Variants in RCL1 observed in about 807,000 individuals in gnomAD.
RCL1 encodes the protein RNA 3'-terminal phosphate cyclase-like protein.
In RCL1, 24 loss-of-function variants were observed where a neutral mutation model predicts 42.4. That is an observed-to-expected ratio of 0.57 (90% confidence interval 0.41 to 0.80). The LOEUF (loss-of-function observed/expected upper bound fraction) is 0.80, where lower values mean the gene tolerates loss of function less well. Ranked by LOEUF, RCL1 falls within the 30% of genes least tolerant of loss-of-function variation. RCL1 has a pLI of 0.00. For missense variants in RCL1, 578 were observed against 467.9 expected, an observed-to-expected ratio of 1.24 and a Z score of -2.17; for synonymous variants, 228 against 177.3, an observed-to-expected ratio of 1.29 and a Z score of -2.27.
chr9:4,803,611 G>C (rs1843042676), intron 1 of RCL1, among the ~76,000 whole-genome samples: 1 of 151,914 alleles, frequency 6.6e-6, no homozygotes, highest in Non-Finnish European at 1.5e-5. Context: ...TTATCTTTTG[G>C]ATTCCTAATT....
rs142919184 is a variant in RCL1, at chr9:4,798,797, C to A, written c.136+5570C>A. On this transcript the variant is annotated intron_variant, in intron 1 of 8. Transcript: ENST00000381750. Reference sequence around the variant, plus strand: ...TGTAGATTGAATATGTCCTGTTAATCAGGAACATACCCTTTTGTGCCTCTG... The same window carrying A: ...TGTAGATTGAATATGTCCTGTTAATAAGGAACATACCCTTTTGTGCCTCTG... 9.7e-4 allele frequency among the ~76,000 whole-genome samples: 148 copies of A among 151,958 alleles called. 2 individuals carry two copies. Among genetic ancestry groups the A allele is most frequent in the African/African-American group, 3.4e-3 (139 of 41,442 alleles).
At chr9:4,806,673 G>A (rs975528153) in intron 1 of RCL1, among the ~76,000 whole-genome samples, 3 of 149,428 alleles carry the variant, frequency 2.0e-5, no homozygotes, top group Non-Finnish European at 3.0e-5. Context: ...ATTTGCTAAT[G>A]TTTTGTTAAG....
chr9:4,855,638 G>T (rs1043560686), intron 8 of RCL1, among the ~76,000 whole-genome samples: 2 of 151,758 alleles, frequency 1.3e-5, no homozygotes, highest in African/African-American at 2.4e-5. Flanking sequence ...ATTGTCTGTG[G>T]TTTTTTTTCA....
chr9:4,856,564 A>T (rs781581169), intron 8 of RCL1, among the ~76,000 whole-genome samples: 9 of 152,138 alleles, frequency 5.9e-5, no homozygotes, highest in Non-Finnish European at 1.3e-4. Flanking sequence ...AAATAATTTA[A>T]TGATGGGGAA....
At chr9:4,849,939 A>G (rs865879800) in intron 8 of RCL1, among the ~76,000 whole-genome samples, 1 of 152,012 alleles carries the variant, frequency 6.6e-6, no homozygotes. Flanking sequence ...GTCTAAGATG[A>G]TAGGATATGA....
intron 8 of RCL1, among the ~76,000 whole-genome samples, chr9:4,857,577 G>T (rs1009862636): frequency 6.6e-6 from 1 of 152,044 alleles, no homozygotes; most frequent in African/African-American, 2.4e-5. Context: ...GAATATTTGC[G>T]TGCAAGTTTT....
chr9:4,811,239 A>T (rs1391520770), intron 1 of RCL1, among the ~76,000 whole-genome samples: 2 of 151,356 alleles, frequency 1.3e-5, no homozygotes, highest in Non-Finnish European at 2.9e-5. Context: ...TCATGATCAC[A>T]CCACTGCACT....
At chr9:4,839,983 G>A in intron 5 of RCL1, 7 of 786,488 alleles carry the variant, frequency 8.9e-6, no homozygotes, top group Non-Finnish European at 9.2e-6. Context: ...GTTTGGATGG[G>A]TGGAAGGAGT....
chr9:4,859,680 G>T (rs1175743791), intron 8 of RCL1, among the ~76,000 whole-genome samples: 1 of 152,122 alleles, frequency 6.6e-6, no homozygotes, highest in Non-Finnish European at 1.5e-5. Flanking sequence ...AAAAATCATT[G>T]CCTAAGCCAG....
intron 8 of RCL1, among the ~76,000 whole-genome samples, chr9:4,852,139 C>G (rs1188391522): frequency 6.6e-6 from 1 of 152,132 alleles, no homozygotes; most frequent in East Asian, 1.9e-4. Flanking sequence ...CCTTGGCCTC[C>G]CAAAGTGCTG....
At chr9:4,858,126 T>A (rs1488499927) in intron 8 of RCL1, among the ~76,000 whole-genome samples, 2 of 152,112 alleles carry the variant, frequency 1.3e-5, no homozygotes, top group Non-Finnish European at 2.9e-5. Context: ...TTTGCCTGCC[T>A]TGGCCTCCCA....
At chr9:4,806,611 C>T (rs1458791147) in intron 1 of RCL1, among the ~76,000 whole-genome samples, 4 of 150,576 alleles carry the variant, frequency 2.7e-5, no homozygotes, top group Non-Finnish European at 5.9e-5. Flanking sequence ...CACACACACA[C>T]ACACACACAC....
intron 1 of RCL1, among the ~76,000 whole-genome samples, chr9:4,815,880 T>C (rs185703938): frequency 5.9e-5 from 9 of 152,206 alleles, no homozygotes; most frequent in African/African-American, 2.2e-4. Context: ...ATCCTCTTCC[T>C]TACCTCCTTG....
rs774464363 is a variant in RCL1 at position 4,827,077 on chromosome 9, C to T, written c.384+44C>T. Reference sequence around the variant, plus strand: ...CCGTGGTGTGGTTTTTGTTTTGTCTCTTGTCACAACCCAACTTGTGAGAAA... The same window carrying T: ...CCGTGGTGTGGTTTTTGTTTTGTCTTTTGTCACAACCCAACTTGTGAGAAA... On this transcript the variant is annotated intron_variant, in intron 3 of 8. Transcript: ENST00000381750. 3 of 1,613,120 alleles carry T rather than the reference C, an allele frequency of 1.9e-6. No individual in the cohort carries two copies. The South Asian group carries it at 3.3e-5, about 18-fold the overall frequency.
At chr9:4,832,843 A>G (rs1587717600) in intron 3 of RCL1, among the ~76,000 whole-genome samples, 1 of 139,496 alleles carries the variant, frequency 7.2e-6, no homozygotes, top group Admixed American at 7.3e-5. Context: ...AGGGTTCTCC[A>G]TTTGTTTTCT....
chr9:4,849,501 G>A lies in RCL1; in HGVS notation c.922G>A (p.Gly308Arg). The A allele has an allele frequency of 6.2e-7, 1 of 1,613,496 alleles. No homozygotes were observed. The highest frequency in any genetic ancestry group is 8.5e-7 in the Non-Finnish European group (1 of 1,179,870). The stretch of plus-strand genomic sequence containing the variant: ...CCTGGCGCTACTACTCATGACCCTT[G>A]GACAGCAGGATGTTTCCAAAGTCCT... ...QSLALLLMTL[G>R]QQDVSKVLLG... The change falls in exon 8 of 9, where the codon GGA becomes AGA. Residue 308 changes from glycine to arginine, a missense_variant. Gly to Arg is a moderately radical substitution (Grantham distance 125). Coordinates refer to ENST00000381750, the MANE Select transcript of RCL1 (RefSeq NM_005772.5).
intron 1 of RCL1, among the ~76,000 whole-genome samples, chr9:4,810,086 C>T (rs1187479248): frequency 6.6e-6 from 1 of 152,176 alleles, no homozygotes; most frequent in Non-Finnish European, 1.5e-5. Flanking sequence ...CTTTGGCCTC[C>T]CAAAGTGCTA....
intron 2 of RCL1, 129 bp from the exon 3 acceptor site, chr9:4,826,729 C>A: frequency 1.3e-6 from 1 of 763,866 alleles, no homozygotes; most frequent in Non-Finnish European, 2.2e-6. Flanking sequence ...GGGCTCTTAG[C>A]AAGATGGCAT....
At chr9:4,837,241 C>T (rs1012864101) in intron 5 of RCL1, among the ~76,000 whole-genome samples, 1 of 152,120 alleles carries the variant, frequency 6.6e-6, no homozygotes, top group Non-Finnish European at 1.5e-5. Context: ...ATATAGAACC[C>T]AAAATCAAAT....
Sources: gnomAD v4.1 joint callset for allele counts (sites outside exome capture counted in the v4.1 genomes callset) on GRCh38, gnomAD v4.1.1 for gene constraint, MANE v1.5 for transcripts, NCBI Gene and HGNC (gene_info 2026-07-23, HGNC 2026-07-21) for gene names.